The following SOS2 variants were observed in gnomAD, a reference collection of about 807,000 sequenced individuals.
The protein encoded by SOS2 is son of sevenless homolog 2.
SOS2 carries 65 observed loss-of-function variants against 148.2 expected under a neutral mutation model. The ratio of observed to expected loss-of-function variants is 0.44; its 90% CI spans 0.36 to 0.54. SOS2 has a LOEUF of 0.54. Among genes scored for constraint, SOS2 ranks in the 20% least tolerant of loss-of-function variants. SOS2 has a pLI of 0.00. For missense variants in SOS2, 1,341 were observed against 1,590.2 expected, an observed-to-expected ratio of 0.84 and a Z score of 2.67; for synonymous variants, 539 against 537.1, an observed-to-expected ratio of 1.00 and a Z score of -0.05.
In SOS2 at chr14:50,157,028, G is replaced by T; in HGVS notation, c.2028C>A (p.Arg676=). 1 of 1,608,804 alleles carries T rather than the reference G, an allele frequency of 6.2e-7. No individual in the cohort carries two copies. The highest frequency in any genetic ancestry group is 8.5e-7 in the Non-Finnish European group (1 of 1,176,942). ...QPISADLKRF[R]KEYVQPVQLR... ...GTTGTACTGGTTGGACATATTCCTT[G>T]CGAAATCTTTTAAGGTCTGCACTGA... The change falls in exon 12 of 23, where the codon CGC becomes CGA. Residue 676 remains arginine (R), a synonymous_variant. Coordinates refer to ENST00000216373, the MANE Select transcript of SOS2 (RefSeq NM_006939.4).
intron 8 of SOS2, among the ~76,000 whole-genome samples, chr14:50,167,196 C>T (rs2139654377): frequency 6.6e-6 from 1 of 151,936 alleles, no homozygotes; most frequent in East Asian, 1.9e-4. Context: ...AATCATATGT[C>T]AGTACTGAAA....
intron 18 of SOS2, among the ~76,000 whole-genome samples, chr14:50,138,294 C>A (rs1485383852): frequency 2.0e-5 from 3 of 151,042 alleles, no homozygotes; most frequent in Non-Finnish European, 4.4e-5. Context: ...GTAGCTGGGA[C>A]TGCAGGCACC....
intron 16 of SOS2, among the ~76,000 whole-genome samples, chr14:50,144,880 TTGGAACTTCATTACA>T (rs1369859295): frequency 1.3e-5 from 2 of 152,210 alleles, no homozygotes; most frequent in Non-Finnish European, 1.5e-5. Flanking sequence ...ATAAATCCAC[TTGGAACTTCATTACA>T]TTTAGGTTAA....
At position 50,118,024 on chromosome 14, in the gene SOS2, G is replaced by T; in HGVS notation, c.*320C>A. The T allele has an allele frequency of 4.6e-6, 1 of 216,844 alleles. No individual in the cohort carries two copies. Among genetic ancestry groups the T allele is most frequent in the Non-Finnish European group, 9.1e-6 (1 of 110,278 alleles). The allele number at this position is 216,844 out of a possible 1,614,324, so 13.4% of individuals were successfully genotyped here. ...CTCAAATTTGAAAAATTTCACAAAA[G>T]CACTATCCCTTTTCAGTGCAATCAT... is the stretch of plus-strand genomic sequence containing the variant. On this transcript the variant is annotated 3_prime_UTR_variant, in exon 23 of 23. Transcript: ENST00000216373.
chr14:50,153,261 C>T (rs1884717498), intron 12 of SOS2, 88 bp from the exon 13 acceptor site: 2 of 716,506 alleles, frequency 2.8e-6, no homozygotes, highest in Non-Finnish European at 5.0e-6. Flanking sequence ...AATAGCTTTA[C>T]ATACAAGGGT....
rs538936641 is a variant in SOS2 at position 50,178,068 on chromosome 14, A to G, written c.969+2504T>C. 1.4e-4 allele frequency among the ~76,000 whole-genome samples: 21 copies of G among 152,272 alleles called. No homozygotes were observed. In the South Asian group the frequency reaches 4.3e-3, roughly 32 times the overall value. ...TAGCTATAATAATTAAGAGACTTAGAAGAAGAAATCAGAGAAGACGAAAAT... is the reference window on the plus strand; with the variant it reads ...TAGCTATAATAATTAAGAGACTTAGGAGAAGAAATCAGAGAAGACGAAAAT... On this transcript the variant is annotated intron_variant, in intron 7 of 22. Transcript: ENST00000216373.
chr14:50,154,779 T>C (rs1195226517), intron 12 of SOS2, among the ~76,000 whole-genome samples: 7 of 152,176 alleles, frequency 4.6e-5, no homozygotes, highest in African/African-American at 7.2e-5. Context: ...ACACTGCCTT[T>C]GGGCAGTGGG....
chr14:50,231,046 T>C (rs1595044458), intron 1 of SOS2, 151 bp downstream of exon 1: 1 of 571,552 alleles, frequency 1.7e-6, no homozygotes. Flanking sequence ...TCCTTCAGAA[T>C]GCAACAGGCA....
intron 7 of SOS2, among the ~76,000 whole-genome samples, chr14:50,179,452 A>C (rs943610146): frequency 9.2e-5 from 14 of 151,368 alleles, no homozygotes; most frequent in African/African-American, 3.2e-4. Context: ...TGGCGTGATC[A>C]TGACTCATTG....
Position 50,130,693 on chromosome 14 carries a change from A to G in SOS2, c.3145T>C (p.Ser1049Pro), listed in dbSNP as rs2139513028. The G allele has an allele frequency of 6.2e-7, 1 of 1,614,028 alleles. No homozygotes were observed. Among genetic ancestry groups the G allele is most frequent in the East Asian group, 2.2e-5 (1 of 44,886 alleles). The change falls in exon 20 of 23, where the codon TCA becomes CCA. Residue 1049 changes from serine (S) to proline (P), a missense_variant. By Grantham distance (74) the Ser-to-Pro change is moderately conservative. Around this residue, in one of 4 missense-constraint regions of SOS2, gnomAD observed 408 missense variants for 506.6 expected, o/e 0.81. Transcript: ENST00000216373. ...GTTGGGTGACCTCGTAAAGTACCTG[A>G]GGTAGAGCCATGTCGGCCTGTGTTA... ...RPNTGRHGST[S>P]GTLRGHPTPL...
rs751847104 is a variant in SOS2 at position 50,138,874 on chromosome 14, G to A, written c.2786-90C>T. The A allele has an allele frequency of 8.4e-5, 46 of 546,092 alleles. No homozygotes were observed. In the Middle Eastern group the frequency reaches 1.5e-3, roughly 17 times the overall value. The allele number at this position is 546,092 out of a possible 1,614,324, so 33.8% of individuals were successfully genotyped here. A position where few individuals can be genotyped will look rare whatever the true frequency, so the allele number is the denominator to read the frequency against. ...TTGGGAAAACAACTGATCTAGTAAA[G>A]TTGAAAGACATCCTATACTATTCAG... On this transcript the variant is annotated intron_variant, in intron 17 of 22. Transcript: ENST00000216373.
At chr14:50,197,969 C>T (rs940469427) in intron 4 of SOS2, among the ~76,000 whole-genome samples, 8 of 149,164 alleles carry the variant, frequency 5.4e-5, no homozygotes, top group Non-Finnish European at 1.0e-4. Flanking sequence ...GGATTACGGG[C>T]GTGATCCACC....
At chr14:50,160,760 G>A (rs1884979656) in intron 9 of SOS2, among the ~76,000 whole-genome samples, 1 of 152,172 alleles carries the variant, frequency 6.6e-6, no homozygotes, top group Non-Finnish European at 1.5e-5. Flanking sequence ...AACACTCTGG[G>A]AGGCCAAAGC....
At chr14:50,200,552 A>G (rs1005465586) in intron 3 of SOS2, among the ~76,000 whole-genome samples, 13 of 152,120 alleles carry the variant, frequency 8.5e-5, no homozygotes, top group Admixed American at 6.6e-4. Context: ...GATGCCATAA[A>G]GATGCCACAA....
chr14:50,161,407 C>T, intron 9 of SOS2, 75 bp downstream of exon 9: 1 of 1,162,858 alleles, frequency 8.6e-7, no homozygotes, highest in Non-Finnish European at 1.2e-6. Context: ...CAATAAATCA[C>T]ACTTCTTTGA....
At chr14:50,129,918 C>A in intron 21 of SOS2, 43 bp downstream of exon 21, 1 of 1,226,418 alleles carries the variant, frequency 8.2e-7, no homozygotes, top group Non-Finnish European at 1.2e-6. Flanking sequence ...AGATTATTAT[C>A]TTTACAGTCA....
Position 50,118,373 on chromosome 14 carries a change from A to C in SOS2, c.3970T>G (p.Leu1324Val). ...LSHPPLYRLP[L>V]LENAETPQ ...TGGGGAGTTTCTGCATTTTCTAGCA[A>C]AGGCAGTCTGTACAATGGGGGGTGC... Residue 1324 changes from leucine (L) to valine (V), a missense_variant, in exon 23 of 23, where the codon TTG (leucine) becomes GTG (valine). By Grantham distance (32) the Leu-to-Val change is conservative. Coordinates refer to ENST00000216373, the MANE Select transcript of SOS2 (RefSeq NM_006939.4). 1 of 1,614,038 alleles carries C rather than the reference A, an allele frequency of 6.2e-7. No individual in the cohort carries two copies. The highest frequency in any genetic ancestry group is 8.5e-7 in the Non-Finnish European group (1 of 1,179,960).
intron 21 of SOS2, among the ~76,000 whole-genome samples, chr14:50,120,803 G>C (rs181906234): frequency 7.6e-6 from 1 of 131,024 alleles, no homozygotes; most frequent in African/African-American, 2.9e-5. Context: ...GCAATGGCAC[G>C]ATCTCGGCTC....
chr14:50,214,859 G>A (rs778313947), intron 1 of SOS2, among the ~76,000 whole-genome samples: 1 of 146,308 alleles, frequency 6.8e-6, no homozygotes, highest in Non-Finnish European at 1.5e-5. Context: ...TTTTTGAGAC[G>A]GAGTCTTGTT....
Sources: allele counts gnomAD v4.1 joint callset (sites outside exome capture counted in the v4.1 genomes callset), GRCh38; gene constraint gnomAD v4.1.1; regional missense constraint gnomAD v4.1.1; transcripts MANE v1.5; gene names NCBI Gene and HGNC (gene_info 2026-07-23, HGNC 2026-07-21).